Variants in PTK2 observed in about 807,000 individuals in gnomAD.
The protein encoded by PTK2 is focal adhesion kinase 1.
A neutral mutation model predicts 150.1 loss-of-function variants in PTK2; 45 were observed. The ratio of observed to expected loss-of-function variants is 0.30; its 90% CI spans 0.24 to 0.38. The LOEUF (loss-of-function observed/expected upper bound fraction) is 0.38. PTK2 is among the 10% of genes least tolerant of loss of function. The pLI is 1.00. For synonymous variants in PTK2, 432 were observed against 449.2 expected (o/e 0.96, Z 0.48); for missense variants, 919 against 1,307.3 (o/e 0.70, Z 4.58).
rs539492820 is a variant in PTK2 at position 140,669,666 on chromosome 8, T to G, written c.2710-1242A>C. ...TCCTGCTTTCCAGTCCAAAGTTACATGCAGAGAGCCGGGTGTGATAGAGAG... is the reference window on the plus strand; with the variant it reads ...TCCTGCTTTCCAGTCCAAAGTTACAGGCAGAGAGCCGGGTGTGATAGAGAG... On this transcript the variant is annotated intron_variant, in intron 29 of 31. Transcript: ENST00000522684. 846 of 1,509,360 alleles carry G rather than the reference T, an allele frequency of 5.6e-4. 2 individuals are homozygous for G. Among genetic ancestry groups the G allele is most frequent in the Middle Eastern group, 3.4e-3 (20 of 5,924 alleles). 93.5% of individuals were successfully genotyped at this position (1,509,360 alleles called of 1,614,324 possible).
chr8:140,816,366 A>G (rs1383769756), intron 10 of PTK2, among the ~76,000 whole-genome samples: 1 of 152,206 alleles, frequency 6.6e-6, no homozygotes, highest in African/African-American at 2.4e-5. Context: ...CACTTTCACA[A>G]AATTTCACAA....
chr8:140,688,564 T>G (rs2100021321), intron 26 of PTK2, among the ~76,000 whole-genome samples: 1 of 151,554 alleles, frequency 6.6e-6, no homozygotes, highest in Non-Finnish European at 1.5e-5. Flanking sequence ...AGAAAAAAAT[T>G]TTAACAATTA....
In PTK2 at chr8:140,732,854, G is replaced by A. The variant is rs184428281; in HGVS notation, c.2030+2397C>T. 1.1e-3 allele frequency among the ~76,000 whole-genome samples: 167 copies of A among 152,314 alleles called. 1 individual carries two copies. Among genetic ancestry groups the A allele is most frequent in the African/African-American group, 3.6e-3 (149 of 41,570 alleles). ...TGTGAAGTCACAGAAGACCCAGTGC[G>A]TGAAAGAAGCCGAGAAAGATGGGTA... On this transcript the variant is annotated intron_variant, in intron 22 of 31. Transcript: ENST00000522684.
chr8:140,979,919 C>T (rs980340702), intron 1 of PTK2, among the ~76,000 whole-genome samples: 6 of 152,128 alleles, frequency 3.9e-5, no homozygotes, highest in African/African-American at 1.4e-4. Context: ...TCTAAATTAC[C>T]CAGTCTCGGA....
intron 14 of PTK2, among the ~76,000 whole-genome samples, chr8:140,773,756 C>A (rs1439225565): frequency 6.6e-6 from 1 of 152,134 alleles, no homozygotes; most frequent in East Asian, 1.9e-4. Context: ...TGTCAAGAGT[C>A]ATTCAGAATA....
rs56104143 is a variant in PTK2 at position 140,789,620 on chromosome 8, A to C, written c.1125-94T>G. The C allele has an allele frequency of 3.2e-3, 3,787 of 1,200,110 alleles. 5 individuals carry two copies. The highest frequency in any genetic ancestry group is 3.6e-3 in the Non-Finnish European group (3,054 of 849,432). The allele number at this position is 1,200,110 out of a possible 1,614,324, so 74.3% of individuals were successfully genotyped here. On this transcript the variant is annotated intron_variant, in intron 13 of 31. Coordinates refer to ENST00000522684, the Ensembl canonical transcript of PTK2. The stretch of plus-strand genomic sequence containing the variant: ...AGTGGGGAACTGCCTTGGATGAGGA[A>C]GACAAAATTTTAGATACGTGATTTC...
At chr8:140,899,200 T>G (rs1431156723) in intron 2 of PTK2, among the ~76,000 whole-genome samples, 1 of 152,184 alleles carries the variant, frequency 6.6e-6, no homozygotes, top group Non-Finnish European at 1.5e-5. Context: ...CTGTATTCCC[T>G]CTCCTTGAAT....
rs1172856827 is a variant in PTK2, at chr8:140,950,687, A to G, written c.-121-24938T>C. ...AGCCACCGTGATTTCTGGCTGGTGA[A>G]GCGGCATCCCAAAGATCCTGTGACA... On this transcript the variant is annotated intron_variant, in intron 1 of 31. Coordinates refer to ENST00000522684, the Ensembl canonical transcript of PTK2. Among the ~76,000 whole-genome samples, 4 of 152,202 alleles carry G rather than the reference A, an allele frequency of 2.6e-5. No individual in the cohort carries two copies. The East Asian group carries it at 7.7e-4, about 29-fold the overall frequency.
At chr8:140,839,694 A>C (rs980623088) in intron 7 of PTK2, among the ~76,000 whole-genome samples, 1 of 152,212 alleles carries the variant, frequency 6.6e-6, no homozygotes, top group African/African-American at 2.4e-5. Context: ...AAAAGAGAGA[A>C]TCCAGAGAGA....
intron 16 of PTK2, among the ~76,000 whole-genome samples, chr8:140,757,621 G>A (rs1277165426): frequency 6.6e-6 from 1 of 152,154 alleles, no homozygotes; most frequent in African/African-American, 2.4e-5. Context: ...TAAACATGGA[G>A]TTACTGAAGA....
At chr8:140,872,953 A>T (rs2154606859) in intron 4 of PTK2, among the ~76,000 whole-genome samples, 1 of 152,350 alleles carries the variant, frequency 6.6e-6, no homozygotes, top group Admixed American at 6.5e-5. Context: ...ACATGATGTT[A>T]TACAGCTAAG....
At chr8:140,686,523 C>A in intron 27 of PTK2, 109 bp downstream of exon 30, 1 of 871,440 alleles carries the variant, frequency 1.1e-6, no homozygotes, top group Non-Finnish European at 1.9e-6. Context: ...ATAGAATATT[C>A]TGTTCCCTAT....
intron 23 of PTK2, among the ~76,000 whole-genome samples, chr8:140,708,983 A>AAAG (rs2100035332): frequency 6.6e-6 from 1 of 151,584 alleles, no homozygotes; most frequent in South Asian, 2.1e-4. Context: ...AAAAAAAAAA[A>AAAG]GTTACAATTT....
chr8:140,985,311 GACAAGGTCTC>G (rs1386655415), intron 1 of PTK2, among the ~76,000 whole-genome samples: 2 of 151,828 alleles, frequency 1.3e-5, no homozygotes, highest in Non-Finnish European at 2.9e-5. Context: ...TTTTTGTAGG[GACAAGGTCTC>G]ACTATGATCC....
chr8:140,964,799 GA>G (rs1569511381), intron 1 of PTK2, among the ~76,000 whole-genome samples: 1 of 152,064 alleles, frequency 6.6e-6, no homozygotes, highest in East Asian at 1.9e-4. Flanking sequence ...CATGTACAGA[GA>G]TCTGCTATAC....
chr8:140,938,232 T>C (rs1000989793), intron 1 of PTK2, among the ~76,000 whole-genome samples: 2 of 152,174 alleles, frequency 1.3e-5, no homozygotes, highest in East Asian at 1.9e-4. Context: ...CCAGAGTGCT[T>C]TGACCGCTCT....
At chr8:140,764,602 G>A (rs534800301) in intron 14 of PTK2, 17 of 415,552 alleles carry the variant, frequency 4.1e-5, no homozygotes, top group South Asian at 1.7e-4. Context: ...TCTACCAACC[G>A]CAAAGCTCTT....
At chr8:140,941,634 T>C (rs2100175811) in intron 1 of PTK2, among the ~76,000 whole-genome samples, 1 of 151,900 alleles carries the variant, frequency 6.6e-6, no homozygotes, top group African/African-American at 2.4e-5. Context: ...TAACCAAGAG[T>C]TTATTGGGAA....
At chr8:140,851,423 G>A (rs533496587) in intron 5 of PTK2, among the ~76,000 whole-genome samples, 1 of 152,312 alleles carries the variant, frequency 6.6e-6, no homozygotes, top group East Asian at 1.9e-4. Flanking sequence ...TTACACAAAG[G>A]TAATGGTAAA....
Sources: allele counts gnomAD v4.1 joint callset (sites outside exome capture counted in the v4.1 genomes callset), GRCh38; gene constraint gnomAD v4.1.1; transcripts MANE v1.5; gene names NCBI Gene and HGNC (gene_info 2026-07-23, HGNC 2026-07-21).